CAMTA1: variants seen among roughly 807,000 people sequenced by gnomAD.
CAMTA1 encodes the protein calmodulin binding transcription activator 1.
CAMTA1 carries 27 observed loss-of-function variants against 170.9 expected under a neutral mutation model. That is an observed-to-expected ratio of 0.16 (90% confidence interval 0.12 to 0.22). The LOEUF (loss-of-function observed/expected upper bound fraction) is 0.22. CAMTA1 is among the 10% of genes least tolerant of loss of function. The pLI is 1.00. For synonymous variants in CAMTA1, 833 were observed against 891.5 expected, an observed-to-expected ratio of 0.93 and a Z score of 1.17; for missense variants, 1,619 against 2,217.2, an observed-to-expected ratio of 0.73 and a Z score of 5.42.
At chr1:7,245,241 C>T (rs1665577939) in intron 4 of CAMTA1, among the ~76,000 whole-genome samples, 1 of 150,554 alleles carries the variant, frequency 6.6e-6, no homozygotes, top group South Asian at 2.1e-4. Context: ...TACATACATA[C>T]ATACACACAC....
In CAMTA1 at chr1:7,251,357, T is replaced by C. The variant is rs1345521544; in HGVS notation, c.438+1731T>C. ...TAGGCCATATTTGTGTTTGGAGTTATTTGTGTGCTCATACTTGCAGGCAAC... is the reference window on the plus strand; with the variant it reads ...TAGGCCATATTTGTGTTTGGAGTTACTTGTGTGCTCATACTTGCAGGCAAC... On this transcript the variant is annotated intron_variant, in intron 5 of 22. Transcript: ENST00000303635. The surrounding 1 kb of genome is among the most constrained non-coding windows in gnomAD (Gnocchi z 5.1). Among the ~76,000 whole-genome samples, 2 of 152,196 alleles carry C rather than the reference T, an allele frequency of 1.3e-5. No individual in the cohort carries two copies. Among genetic ancestry groups the C allele is most frequent in the Non-Finnish European group, 2.9e-5 (2 of 68,032 alleles).
intron 3 of CAMTA1, among the ~76,000 whole-genome samples, chr1:6,826,773 T>G (rs983808605): frequency 1.3e-5 from 2 of 152,204 alleles, no homozygotes; most frequent in African/African-American, 2.4e-5. Flanking sequence ...TGACATTATA[T>G]TTGAAACCAG....
chr1:7,005,415 T>G (rs1034103333), intron 3 of CAMTA1, among the ~76,000 whole-genome samples: 3 of 152,242 alleles, frequency 2.0e-5, no homozygotes, highest in Non-Finnish European at 4.4e-5. Context: ...TCAATCCATC[T>G]GTGAATTCAT....
At chr1:7,200,671 C>T (rs558922955) in intron 4 of CAMTA1, among the ~76,000 whole-genome samples, 7 of 152,294 alleles carry the variant, frequency 4.6e-5, no homozygotes, top group East Asian at 1.9e-4. Context: ...CAAAATACTA[C>T]GGAAGCCATG....
At chr1:7,323,765 G>A (rs1005712030) in intron 5 of CAMTA1, among the ~76,000 whole-genome samples, 6 of 152,028 alleles carry the variant, frequency 3.9e-5, no homozygotes, top group Non-Finnish European at 7.4e-5. Context: ...TTTGTTCACC[G>A]TTGTAGCCTT....
At chr1:6,911,661 C>T (rs1278163214) in intron 3 of CAMTA1, among the ~76,000 whole-genome samples, 1 of 152,204 alleles carries the variant, frequency 6.6e-6, no homozygotes, top group Non-Finnish European at 1.5e-5. Flanking sequence ...GCCAGATCCA[C>T]CCCTCCCTTT....
chr1:7,664,542 G>A lies in CAMTA1; in HGVS notation c.1995G>A (p.Arg665=). 2 of 1,613,226 alleles carry A rather than the reference G, an allele frequency of 1.2e-6. No homozygotes were observed. Among genetic ancestry groups the A allele is most frequent in the Non-Finnish European group, 1.7e-6 (2 of 1,180,046 alleles). Residue 665 remains arginine, a synonymous_variant, in exon 9 of 23, where the codon CGG becomes CGA. Transcript: ENST00000303635. The part of the protein sequence containing the change: ...TSSCSGHVET[R]IESTSSLHLM... ...CCTGCAGCGGTCACGTGGAGACGCG[G>A]ATCGAGTCCACTTCCTCCCTCCACC...
At chr1:7,246,449 T>C (rs1665790427) in intron 4 of CAMTA1, among the ~76,000 whole-genome samples, 4 of 152,166 alleles carry the variant, frequency 2.6e-5, no homozygotes. Flanking sequence ...AGGACTTCCA[T>C]GCCTGCCCCA....
At chr1:7,514,157 G>C (rs969157851) in intron 6 of CAMTA1, among the ~76,000 whole-genome samples, 3 of 152,244 alleles carry the variant, frequency 2.0e-5, no homozygotes, top group African/African-American at 7.2e-5. Flanking sequence ...TCTCCCCAGA[G>C]AGGGAACAGT....
Position 7,091,328 on chromosome 1 carries a change from T to C in CAMTA1, c.259T>C (p.Phe87Leu), listed in dbSNP as rs1376312844. The C allele has an allele frequency of 1.2e-6, 2 of 1,612,804 alleles. No homozygotes were observed. Among genetic ancestry groups the C allele is most frequent in the Non-Finnish European group, 1.7e-6 (2 of 1,178,712 alleles). ...GGAAATTGCAGCTTATTTAATAACA[T>C]TTGAGAAACACGAAGAATGGCTAAC... The part of the protein sequence containing the change: ...NEEIAAYLIT[F>L]EKHEEWLTTS... Residue 87 changes from phenylalanine to leucine, a missense_variant, in exon 4 of 23, where the codon TTT becomes CTT. Physicochemically the swap from Phe to Leu is conservative, Grantham distance 22. Coordinates refer to ENST00000303635, the MANE Select transcript of CAMTA1 (RefSeq NM_015215.4).
intron 5 of CAMTA1, among the ~76,000 whole-genome samples, chr1:7,450,166 C>T (rs563223692): frequency 3.5e-4 from 53 of 152,306 alleles, no homozygotes; most frequent in South Asian, 8.3e-4. Flanking sequence ...GGAATGTGTA[C>T]AAGTCCTGAG....
intron 4 of CAMTA1, among the ~76,000 whole-genome samples, chr1:7,235,066 C>G (rs561903082): frequency 6.6e-6 from 1 of 152,046 alleles, no homozygotes; most frequent in Non-Finnish European, 1.5e-5. Flanking sequence ...GGATTACAGT[C>G]GTGAGCCACC....
At chr1:6,823,596 A>G (rs1352109511) in intron 2 of CAMTA1, among the ~76,000 whole-genome samples, 1 of 152,144 alleles carries the variant, frequency 6.6e-6, no homozygotes. Context: ...ATCTTTCTAT[A>G]TGATGTAGTA....
At chr1:7,458,989 T>A (rs982165776) in intron 5 of CAMTA1, among the ~76,000 whole-genome samples, 10 of 152,216 alleles carry the variant, frequency 6.6e-5, no homozygotes, top group African/African-American at 2.4e-4. Flanking sequence ...TTTGGTCTAA[T>A]CTTAGATTAA....
At position 7,665,280 on chromosome 1, in the gene CAMTA1, G is replaced by T; in HGVS notation, c.2652+81G>T. The T allele has an allele frequency of 8.2e-7, 1 of 1,219,348 alleles. No homozygotes were observed. Among genetic ancestry groups the T allele is most frequent in the East Asian group, 2.7e-5 (1 of 37,496 alleles). 75.5% of individuals were successfully genotyped at this position (1,219,348 alleles called of 1,614,324 possible). ...CCCCTGCGCCACCCTGCAGCTAAGG[G>T]ATGCCTGTGGCTGCCCTTCAGAGGA... On this transcript the variant is annotated intron_variant, in intron 9 of 22. Transcript: ENST00000303635. This position sits in a 1 kb window ranked among gnomAD's most constrained non-coding sequence, Gnocchi z 4.3.
intron 4 of CAMTA1, among the ~76,000 whole-genome samples, chr1:7,231,138 C>T (rs1662721558): frequency 6.6e-6 from 1 of 152,134 alleles, no homozygotes; most frequent in Non-Finnish European, 1.5e-5. Flanking sequence ...GGATAAGCAG[C>T]CCCCGGGGGA....
At chr1:7,317,155 C>T (rs1401617104) in intron 5 of CAMTA1, among the ~76,000 whole-genome samples, 1 of 152,102 alleles carries the variant, frequency 6.6e-6, no homozygotes, top group Non-Finnish European at 1.5e-5. Context: ...GGAAGGAAGG[C>T]CTAGGATGGG....
chr1:7,549,109 G>A (rs1167929599), intron 6 of CAMTA1, among the ~76,000 whole-genome samples: 1 of 141,370 alleles, frequency 7.1e-6, no homozygotes, highest in Non-Finnish European at 1.6e-5. Flanking sequence ...CCCTTGCAGG[G>A]TCCCTCTTAG....
At position 7,263,474 on chromosome 1, in the gene CAMTA1, C is replaced by T. The variant is rs548469424; in HGVS notation, c.438+13848C>T. Among the ~76,000 whole-genome samples, 3 of 152,296 alleles carry T rather than the reference C, an allele frequency of 2.0e-5. No homozygotes were observed. In the East Asian group the frequency reaches 5.8e-4, roughly 29 times the overall value. On this transcript the variant is annotated intron_variant, in intron 5 of 22. Coordinates refer to ENST00000303635, the MANE Select transcript of CAMTA1 (RefSeq NM_015215.4). ...ATTGTGTTGGACACAAACCAGAATG[C>T]AGAACATTTTTGGGTTTTGTTTTTA...
Sources: gnomAD v4.1 joint callset for allele counts (sites outside exome capture counted in the v4.1 genomes callset) on GRCh38, gnomAD v4.1.1 for gene constraint, Gnocchi (gnomAD v3.1) non-coding constraint, MANE v1.5 for transcripts, NCBI Gene and HGNC (gene_info 2026-07-23, HGNC 2026-07-21) for gene names.